Variants in CNTNAP2 observed in about 807,000 individuals in gnomAD.
CNTNAP2 encodes contactin associated protein 2.
A neutral mutation model predicts 155.2 loss-of-function variants in CNTNAP2; 98 were observed. That is an observed-to-expected ratio of 0.63 (90% CI 0.54 to 0.75). The LOEUF is 0.75. Among genes scored for constraint, CNTNAP2 ranks in the 30% least tolerant of loss-of-function variants. CNTNAP2 has a pLI of 0.00. For synonymous variants in CNTNAP2, 651 were observed against 631.2 expected (o/e 1.03, Z -0.47); for missense variants, 1,727 against 1,688.1 (o/e 1.02, Z -0.40).
chr7:147,002,884 G>C (rs1005292397), intron 3 of CNTNAP2, among the ~76,000 whole-genome samples: 1 of 135,076 alleles, frequency 7.4e-6, no homozygotes, highest in African/African-American at 2.8e-5. Context: ...GCAGGTTAGG[G>C]TTTCAACAAA....
intron 15 of CNTNAP2, among the ~76,000 whole-genome samples, chr7:148,068,830 A>C (rs1367911722): frequency 2.0e-5 from 3 of 152,160 alleles, no homozygotes; most frequent in African/African-American, 7.2e-5. Context: ...TCTCTGACCC[A>C]GGTTGTTTTA....
chr7:147,733,089 A>G (rs1470329214), intron 13 of CNTNAP2, among the ~76,000 whole-genome samples: 1 of 152,190 alleles, frequency 6.6e-6, no homozygotes, highest in Non-Finnish European at 1.5e-5. Flanking sequence ...TTGGTGTTTT[A>G]GACATGAAGT....
intron 10 of CNTNAP2, among the ~76,000 whole-genome samples, chr7:147,400,756 C>T (rs188577505): frequency 3.3e-5 from 5 of 152,274 alleles, no homozygotes; most frequent in Admixed American, 2.6e-4. Flanking sequence ...CTCCACCATC[C>T]TTGGTAAAAT....
At chr7:147,763,596 C>T (rs1197786176) in intron 13 of CNTNAP2, among the ~76,000 whole-genome samples, 6 of 152,092 alleles carry the variant, frequency 3.9e-5, no homozygotes, top group African/African-American at 1.4e-4. Flanking sequence ...CTAAGGCTAG[C>T]ACTGTGTTTG....
chr7:147,552,752 AATGTTT>A (rs1799876751), intron 11 of CNTNAP2, among the ~76,000 whole-genome samples: 1 of 152,194 alleles, frequency 6.6e-6, no homozygotes, highest in African/African-American at 2.4e-5. Flanking sequence ...AATTCAGCAC[AATGTTT>A]AAACAAGTGT....
At chr7:146,741,924 G>A (rs1324544474) in intron 1 of CNTNAP2, among the ~76,000 whole-genome samples, 1 of 152,108 alleles carries the variant, frequency 6.6e-6, no homozygotes, top group Non-Finnish European at 1.5e-5. Context: ...CCTAACAAGA[G>A]GCAATAGCAA....
chr7:147,681,982 AAAG>A (rs1424832451), intron 13 of CNTNAP2, among the ~76,000 whole-genome samples: 1 of 151,946 alleles, frequency 6.6e-6, no homozygotes, highest in African/African-American at 2.4e-5. Flanking sequence ...TCTTCTGAAA[AAAG>A]GAGATAGGAA....
At chr7:146,347,106 C>T (rs1794830205) in intron 1 of CNTNAP2, among the ~76,000 whole-genome samples, 1 of 134,918 alleles carries the variant, frequency 7.4e-6, no homozygotes, top group Non-Finnish European at 1.5e-5. Context: ...CAATGGAAAG[C>T]CAGGATAGTG....
chr7:146,735,825 C>T (rs1801609161), intron 1 of CNTNAP2, among the ~76,000 whole-genome samples: 1 of 145,612 alleles, frequency 6.9e-6, no homozygotes, highest in South Asian at 2.1e-4. Flanking sequence ...GGAATAACTT[C>T]TAGTGTTCTA....
In CNTNAP2 at chr7:147,612,740, C is replaced by T. The variant is rs548088955; in HGVS notation, c.1898-26366C>T. Among the ~76,000 whole-genome samples, 4 of 152,224 alleles carry T rather than the reference C, an allele frequency of 2.6e-5. No homozygotes were observed. The South Asian group carries it at 8.3e-4, about 32-fold the overall frequency. On this transcript the variant is annotated intron_variant, in intron 12 of 23. Coordinates refer to ENST00000361727, the MANE Select transcript of CNTNAP2 (RefSeq NM_014141.6). The stretch of plus-strand genomic sequence containing the variant: ...TTCTAATTCTACTCTCCTTTCTCAA[C>T]TCTTAGAATATTTTATTGATATCTG...
chr7:147,726,808 A>G (rs1421403018), intron 13 of CNTNAP2, among the ~76,000 whole-genome samples: 1 of 151,978 alleles, frequency 6.6e-6, no homozygotes, highest in Non-Finnish European at 1.5e-5. Context: ...CAGTTTTTAT[A>G]TTTTATTTTC....
At chr7:147,522,992 A>G (rs935301216) in intron 11 of CNTNAP2, among the ~76,000 whole-genome samples, 5 of 152,352 alleles carry the variant, frequency 3.3e-5, no homozygotes, top group South Asian at 2.1e-4. Context: ...TCCAGATTGT[A>G]GTAGCCTAAA....
chr7:146,315,352 A>C (rs1800889741), intron 1 of CNTNAP2, among the ~76,000 whole-genome samples: 1 of 152,128 alleles, frequency 6.6e-6, no homozygotes, highest in Admixed American at 6.5e-5. Flanking sequence ...AAAGTTGGGC[A>C]TTATAGGTGT....
intron 3 of CNTNAP2, among the ~76,000 whole-genome samples, chr7:146,967,437 A>T: frequency 6.6e-6 from 1 of 152,190 alleles, no homozygotes; most frequent in Non-Finnish European, 1.5e-5. Context: ...CTTCCTACCC[A>T]TGAGCATGGA....
rs140762898 is a variant in CNTNAP2, at chr7:147,345,765, T to C, written c.1498+45475T>C. ...CAGCAGAGTTACTATAGAGGAACTATATTCAGATTATTTGTAATACTTTGG... is the reference window on the plus strand; with the variant it reads ...CAGCAGAGTTACTATAGAGGAACTACATTCAGATTATTTGTAATACTTTGG... On this transcript the variant is annotated intron_variant, in intron 9 of 23. Transcript: ENST00000361727. Among the ~76,000 whole-genome samples, 319 of 152,370 alleles carry C rather than the reference T, an allele frequency of 2.1e-3. 1 individual carries two copies. The highest frequency in any genetic ancestry group is 7.1e-3 in the African/African-American group (294 of 41,596).
chr7:146,426,987 T>C (rs1796102935), intron 1 of CNTNAP2, among the ~76,000 whole-genome samples: 1 of 152,160 alleles, frequency 6.6e-6, no homozygotes, highest in South Asian at 2.1e-4. Context: ...TATACAATTT[T>C]ACTTGTCAAT....
chr7:148,358,552 G>A lies in CNTNAP2; in HGVS notation c.3476-25097G>A, dbSNP rs147901082. 1.8e-4 allele frequency among the ~76,000 whole-genome samples: 27 copies of A among 152,304 alleles called. No individual in the cohort carries two copies. In the East Asian group the frequency reaches 4.2e-3, roughly 24 times the overall value. ...CTCATCCACTTACCATGTTGTCTGGGCTAGAGAGAGGTAGCACCTGTAGAA... is the reference window on the plus strand; with the variant it reads ...CTCATCCACTTACCATGTTGTCTGGACTAGAGAGAGGTAGCACCTGTAGAA... On this transcript the variant is annotated intron_variant, in intron 21 of 23. Transcript: ENST00000361727.
chr7:146,372,870 T>C (rs1009497850), intron 1 of CNTNAP2, among the ~76,000 whole-genome samples: 4 of 152,184 alleles, frequency 2.6e-5, no homozygotes, highest in Admixed American at 6.5e-5. Context: ...CTCATGTTTG[T>C]ATAAGAGACA....
chr7:146,511,689 G>T (rs1415625250), intron 1 of CNTNAP2, among the ~76,000 whole-genome samples: 1 of 152,088 alleles, frequency 6.6e-6, no homozygotes, highest in Non-Finnish European at 1.5e-5. Flanking sequence ...CTAGTATTTT[G>T]TTGAGAATTT....
Sources: gnomAD v4.1 joint callset for allele counts (sites outside exome capture counted in the v4.1 genomes callset) on GRCh38, gnomAD v4.1.1 for gene constraint, MANE v1.5 for transcripts, NCBI Gene and HGNC (gene_info 2026-07-23, HGNC 2026-07-21) for gene names.